TRIM15: variants seen among roughly 807,000 people sequenced by gnomAD.
TRIM15 encodes tripartite motif containing 15, also known as E3 ubiquitin-protein ligase TRIM15.
A neutral mutation model predicts 35.8 loss-of-function variants in TRIM15; 35 were observed. The observed-to-expected ratio is 0.98, with a 90% CI of 0.75 to 1.30. The LOEUF (loss-of-function observed/expected upper bound fraction) is 1.30. Among genes scored for constraint, TRIM15 ranks in the 50% most tolerant of loss-of-function variants. TRIM15 has a pLI of 0.00. For missense variants in TRIM15, 590 were observed against 593.5 expected (o/e 0.99, Z 0.06); for synonymous variants, 252 against 249.8 (o/e 1.01, Z -0.08).
In TRIM15 at chr6:30,163,548, CTCTCTT is replaced by C; in HGVS notation, c.-131_-126del. On this transcript the variant is annotated 5_prime_UTR_variant, in exon 1 of 7. Transcript: ENST00000376694. ...CCTGTGCTGGCATTCTTGCCTCTCT[CTCTCTT>C]TCTCTCTCTCTGTCTCTTAGCCTTG... The C allele has an allele frequency of 8.8e-7, 1 of 1,132,934 alleles. No homozygotes were observed. The highest frequency in any genetic ancestry group is 1.2e-6 in the Non-Finnish European group (1 of 843,868). The allele number at this position is 1,132,934 out of a possible 1,614,324, so 70.2% of individuals were successfully genotyped here.
rs1003319967 is a variant in TRIM15 at position 30,163,718 on chromosome 6, G to C, written c.34G>C (p.Glu12Gln). Residue 12 changes from glutamate (E) to glutamine (Q), a missense_variant, in exon 1 of 7, where the codon GAG (glutamate) becomes CAG (glutamine). Physicochemically the swap from Glu to Gln is conservative, Grantham distance 29 (BLOSUM62 2). Coordinates refer to ENST00000376694, the MANE Select transcript of TRIM15 (RefSeq NM_033229.3). ...AACCCCGTCCCTGAAGGTGGTCCATGAGCTGCCTGCCTGTACCCTCTGTGC... is the reference window on the plus strand; with the variant it reads ...AACCCCGTCCCTGAAGGTGGTCCATCAGCTGCCTGCCTGTACCCTCTGTGC... ...PATPSLKVVH[E>Q]LPACTLCAGP... is the part of the protein sequence containing the mutation. 1 of 1,612,408 alleles carries C rather than the reference G, an allele frequency of 6.2e-7. No individual in the cohort carries two copies. The highest frequency in any genetic ancestry group is 8.5e-7 in the Non-Finnish European group (1 of 1,179,704).
At chr6:30,167,359 G>T in intron 2 of TRIM15, 88 bp downstream of exon 2, 1 of 1,104,638 alleles carries the variant, frequency 9.1e-7, no homozygotes, top group South Asian at 1.3e-5. Flanking sequence ...CTGTTTCCTG[G>T]CTGAAAAGAA....
At chr6:30,168,819 T>C (rs1773809014) in intron 3 of TRIM15, among the ~76,000 whole-genome samples, 1 of 152,174 alleles carries the variant, frequency 6.6e-6, no homozygotes, top group Non-Finnish European at 1.5e-5. Context: ...CCTCATAAAG[T>C]TATTGCAAAA....
intron 2 of TRIM15, among the ~76,000 whole-genome samples, chr6:30,167,679 C>G (rs1773705949): frequency 6.6e-6 from 1 of 152,208 alleles, no homozygotes; most frequent in Non-Finnish European, 1.5e-5. Context: ...TGTCGGGATT[C>G]TAGTCCTGAC....
Position 30,169,642 on chromosome 6 carries a change from A to T in TRIM15, c.731+379A>T, listed in dbSNP as rs1355438505. On this transcript the variant is annotated intron_variant, in intron 4 of 6. Transcript: ENST00000376694. The stretch of plus-strand genomic sequence containing the variant: ...TTTCTGTAGACTATGATAAGCATGG[A>T]AACCAGGAATACCAGCCTGTTCTTT... The T allele has an allele frequency of 3.1e-5, 14 of 444,536 alleles. No individual in the cohort carries two copies. The East Asian group carries it at 6.1e-4, about 19-fold the overall frequency. The allele number at this position is 444,536 out of a possible 1,614,324, so 27.5% of individuals were successfully genotyped here.
intron 1 of TRIM15, among the ~76,000 whole-genome samples, chr6:30,166,635 G>A (rs1320206897): frequency 6.6e-6 from 1 of 152,060 alleles, no homozygotes; most frequent in Non-Finnish European, 1.5e-5. Context: ...TTCTAATTCT[G>A]TGAAGAAAGT....
chr6:30,169,559 T>G, intron 4 of TRIM15: 1 of 667,784 alleles, frequency 1.5e-6, no homozygotes, highest in Non-Finnish European at 2.7e-6. Context: ...TCTATGAAAT[T>G]ATTAGTACTT....
chr6:30,167,657 A>T (rs966404869), intron 2 of TRIM15, among the ~76,000 whole-genome samples: 2 of 152,176 alleles, frequency 1.3e-5, no homozygotes, highest in African/African-American at 4.8e-5. Flanking sequence ...TGGGGTCAAA[A>T]ACATATGTTA....
chr6:30,169,062 C>A (rs976843188), intron 3 of TRIM15, among the ~76,000 whole-genome samples, 179 bp from the exon 4 acceptor site: 1 of 151,996 alleles, frequency 6.6e-6, no homozygotes, highest in African/African-American at 2.4e-5. Context: ...ACTACAGAAA[C>A]CCAAATTAGT....
Position 30,172,089 on chromosome 6 carries a change from C to T in TRIM15, c.1138C>T (p.Leu380Phe). Residue 380 changes from leucine to phenylalanine, a missense_variant, in exon 7 of 7, where the codon CTC becomes TTC. Physicochemically the swap from Leu to Phe is conservative, Grantham distance 22. Coordinates refer to ENST00000376694, the MANE Select transcript of TRIM15 (RefSeq NM_033229.3). ...GGTGAGGAGGAAGGGAGAGATGGGA[C>T]TCAGCGCCGAGGACGGCGTCTGGGC... ...EGVRRKGEMG[L>F]SAEDGVWAVI... is the part of the protein sequence containing the mutation. The T allele has an allele frequency of 6.3e-7, 1 of 1,576,400 alleles. No homozygotes were observed. The highest frequency in any genetic ancestry group is 8.6e-7 in the Non-Finnish European group (1 of 1,161,504).
chr6:30,163,605 T>TAAG lies in TRIM15; in HGVS notation c.-79_-77dup, dbSNP rs886943485. On this transcript the variant is annotated 5_prime_UTR_variant, in exon 1 of 7. Transcript: ENST00000376694. Reference sequence around the variant, plus strand: ...CAGCCGTTTCCCTCTGCGATTCATGTAAGTGTGACTCGATTTCAGGGAAAG... The same window carrying TAAG: ...CAGCCGTTTCCCTCTGCGATTCATGTAAGAAGTGTGACTCGATTTCAGGGAAAG... 6.7e-7 allele frequency: 1 copy of TAAG among 1,499,532 alleles called. No individual in the cohort carries two copies. Among genetic ancestry groups the TAAG allele is most frequent in the Non-Finnish European group, 8.9e-7 (1 of 1,118,368 alleles). The allele number at this position is 1,499,532 out of a possible 1,614,324, so 92.9% of individuals were successfully genotyped here.
intron 4 of TRIM15, 23 bp from the exon 5 acceptor site, chr6:30,170,478 C>A: frequency 6.4e-7 from 1 of 1,571,734 alleles, no homozygotes; most frequent in Non-Finnish European, 8.7e-7. Flanking sequence ...TTGGACCTAA[C>A]TGGTTACCAA....
chr6:30,169,086 G>A (rs1170569751), intron 3 of TRIM15, among the ~76,000 whole-genome samples, 155 bp from the exon 4 acceptor site: 4 of 152,144 alleles, frequency 2.6e-5, no homozygotes, highest in Admixed American at 2.6e-4. Context: ...AAAACATGAT[G>A]TAAAAGAACA....
At chr6:30,171,710 G>A in intron 6 of TRIM15, 122 bp from the exon 7 acceptor site, 1 of 1,306,880 alleles carries the variant, frequency 7.7e-7, no homozygotes, top group Non-Finnish European at 1.0e-6. Context: ...GCGGTTCAGA[G>A]AAGTGGCCCA....
At chr6:30,170,729 C>A (rs961160649) in intron 5 of TRIM15, 113 bp downstream of exon 5, 3 of 859,156 alleles carry the variant, frequency 3.5e-6, no homozygotes, top group East Asian at 2.6e-5. Flanking sequence ...CTTCCCTCCC[C>A]AGAGCCTTCC....
intron 4 of TRIM15, chr6:30,169,801 G>C (rs1773882501): frequency 3.0e-6 from 1 of 336,424 alleles, no homozygotes; most frequent in Admixed American, 4.4e-5. Flanking sequence ...ATAAGCATTA[G>C]CAGTCTGCAC....
rs1273832497 is a variant in TRIM15, at chr6:30,172,486, G to C, written c.*137G>C. ...ACAGGGGACTTGAGTCTCGAACAGC[G>C]GTTGTTTTTACTTTATTTATCTTAG... is the stretch of plus-strand genomic sequence containing the variant. On this transcript the variant is annotated 3_prime_UTR_variant, in exon 7 of 7. Transcript: ENST00000376694. 75 of 1,320,958 alleles carry C rather than the reference G, an allele frequency of 5.7e-5. No homozygotes were observed. In the South Asian group the frequency reaches 8.9e-4, roughly 16 times the overall value. 81.8% of individuals were successfully genotyped at this position (1,320,958 alleles called of 1,614,324 possible).
At chr6:30,170,861 AG>A (rs1773963883) in intron 5 of TRIM15, 114 bp from the exon 6 acceptor site, 16 of 1,246,748 alleles carry the variant, frequency 1.3e-5, no homozygotes, top group Non-Finnish European at 1.8e-5. Context: ...AGACCACAGC[AG>A]AAGCCGAGTC....
chr6:30,171,300 C>T (rs995597246), intron 6 of TRIM15, among the ~76,000 whole-genome samples: 13 of 152,182 alleles, frequency 8.5e-5, no homozygotes, highest in African/African-American at 2.9e-4. Flanking sequence ...AGTAAGTGCT[C>T]AATTAATGTC....
Sources: gnomAD v4.1 joint callset for allele counts (sites outside exome capture counted in the v4.1 genomes callset) on GRCh38, gnomAD v4.1.1 for gene constraint, MANE v1.5 for transcripts, NCBI Gene and HGNC (gene_info 2026-07-23, HGNC 2026-07-21) for gene names.